Variants in MOBP observed in about 807,000 individuals in gnomAD.
The protein encoded by MOBP is myelin-associated oligodendrocyte basic protein.
A neutral mutation model predicts 15.0 loss-of-function variants in MOBP; 5 were observed. The observed-to-expected ratio is 0.33, with a 90% confidence interval of 0.17 to 0.70. MOBP has a LOEUF of 0.70. Ranked by LOEUF, MOBP falls within the 30% of genes least tolerant of loss-of-function variation. The probability of loss-of-function intolerance (pLI) is 0.67; values close to 1 mark genes in which losing one functional copy is unlikely to be tolerated. For missense variants in MOBP, 188 were observed against 257.8 expected, an observed-to-expected ratio of 0.73 and a Z score of 1.85; for synonymous variants, 88 against 99.0, an observed-to-expected ratio of 0.89 and a Z score of 0.66.
chr3:39,506,880 T>C (rs3821372), downstream of MOBP, among the ~76,000 whole-genome samples: 92,313 of 152,142 alleles, frequency 0.61, 32,373 homozygotes, highest in Non-Finnish European at 0.77. Flanking sequence ...GAACCCAATC[T>C]GTATATCAGT....
At chr3:39,519,505 C>CTT (rs3036572), downstream of MOBP, among the ~76,000 whole-genome samples, 10 of 131,574 alleles carry the variant, frequency 7.6e-5, no homozygotes, top group South Asian at 2.5e-4. Flanking sequence ...TAAATGGCAT[C>CTT]TTTTTTTTTT....
At chr3:39,481,409 A>G (rs2042626088) in intron 2 of MOBP, among the ~76,000 whole-genome samples, 1 of 152,110 alleles carries the variant, frequency 6.6e-6, no homozygotes, top group Non-Finnish European at 1.5e-5. Context: ...AAGACCAACC[A>G]TTTTGCATGT....
chr3:39,479,315 A>T (rs2042591685), intron 1 of MOBP, among the ~76,000 whole-genome samples: 1 of 152,154 alleles, frequency 6.6e-6, no homozygotes, highest in Non-Finnish European at 1.5e-5. Context: ...AAAATGATCA[A>T]CTAAGAGAAC....
chr3:39,486,285 G>T (rs1051161163), intron 2 of MOBP, among the ~76,000 whole-genome samples: 11 of 152,142 alleles, frequency 7.2e-5, no homozygotes, highest in African/African-American at 2.7e-4. Context: ...GAGGTTATGA[G>T]GATGAAATAA....
chr3:39,502,405 G>A lies in MOBP; in HGVS notation c.206+130G>A. 6.5e-7 allele frequency: 1 copy of A among 1,528,030 alleles called. No individual in the cohort carries two copies. Among genetic ancestry groups the A allele is most frequent in the Non-Finnish European group, 8.8e-7 (1 of 1,141,538 alleles). The allele number at this position is 1,528,030 out of a possible 1,614,324, so 94.7% of individuals were successfully genotyped here. ...CCGGGTTAGGCTCCGACACCGGAAG[G>A]CACTCCAGGGAGACTGGAAGGTGGG... On this transcript the variant is annotated intron_variant, in intron 3 of 3. Transcript: ENST00000684792. The surrounding 1 kb of genome is among the most constrained non-coding windows in gnomAD (Gnocchi z 6.3).
intron 1 of MOBP, among the ~76,000 whole-genome samples, chr3:39,468,814 G>A (rs34457487): frequency 0.66 from 71,784 of 109,144 alleles, 27,704 homozygotes; most frequent in African/African-American, 0.87. Flanking sequence ...ATATGTGTGT[G>A]TATACATATT....
chr3:39,470,673 AC>A (rs1340105073), intron 1 of MOBP, among the ~76,000 whole-genome samples: 1 of 152,174 alleles, frequency 6.6e-6, no homozygotes, highest in Non-Finnish European at 1.5e-5. Context: ...ATTTGTACTC[AC>A]TAAAAATATC....
At chr3:39,494,789 C>CCCG (rs1553618293) in intron 2 of MOBP, among the ~76,000 whole-genome samples, 2 of 90,162 alleles carry the variant, frequency 2.2e-5, no homozygotes, top group East Asian at 1.1e-3. Context: ...AAAGCCCCCC[C>CCCG]CCGCCCCCCG....
downstream of MOBP, chr3:39,503,129 T>C: frequency 2.2e-6 from 1 of 463,898 alleles, no homozygotes; most frequent in Non-Finnish European, 3.7e-6. Flanking sequence ...AAGTTGTTAA[T>C]CTATCAATTG....
At chr3:39,501,614 A>G (rs1224611648) in intron 2 of MOBP, among the ~76,000 whole-genome samples, 1 of 152,212 alleles carries the variant, frequency 6.6e-6, no homozygotes, top group Non-Finnish European at 1.5e-5. Context: ...GTATGTCAGC[A>G]GGTCAGCAGT....
intron 2 of MOBP, among the ~76,000 whole-genome samples, chr3:39,481,984 A>G (rs931316750): frequency 2.6e-5 from 4 of 152,102 alleles, no homozygotes; most frequent in African/African-American, 7.2e-5. Context: ...ATTGCTACCT[A>G]TACTCCAACA....
chr3:39,475,123 T>C (rs1031559332), intron 1 of MOBP, among the ~76,000 whole-genome samples: 1 of 152,206 alleles, frequency 6.6e-6, no homozygotes, highest in South Asian at 2.1e-4. Flanking sequence ...TTTCATGACC[T>C]TTAGACTTTT....
intron 2 of MOBP, among the ~76,000 whole-genome samples, chr3:39,493,211 C>T (rs965331782): frequency 1.3e-5 from 2 of 152,164 alleles, no homozygotes; most frequent in African/African-American, 4.8e-5. Context: ...GTTTTAATTT[C>T]TTCCTGTAGC....
At chr3:39,512,078 C>T (rs1447610345) in intron 4 of MOBP, among the ~76,000 whole-genome samples, 1 of 152,172 alleles carries the variant, frequency 6.6e-6, no homozygotes, top group African/African-American at 2.4e-5. Context: ...TGTCACTTAA[C>T]CCTATCTACT....
chr3:39,526,705 A>G (rs1470719169), downstream of MOBP: 1 of 151,912 alleles, frequency 6.6e-6, no homozygotes, highest in Non-Finnish European at 1.5e-5. Context: ...CTGGGTAAAA[A>G]GGCCTAATTT....
At chr3:39,494,020 G>T (rs1329340244) in intron 2 of MOBP, among the ~76,000 whole-genome samples, 2 of 152,110 alleles carry the variant, frequency 1.3e-5, no homozygotes, top group Admixed American at 6.5e-5. Flanking sequence ...TAGACTTTTT[G>T]CCTACCTTTC....
At chr3:39,499,931 C>A (rs1423975467) in intron 2 of MOBP, 2 of 433,288 alleles carry the variant, frequency 4.6e-6, no homozygotes, top group Non-Finnish European at 9.3e-6. Context: ...GAAGTTTCAC[C>A]TTGTTCTCTA....
At chr3:39,476,175 G>A (rs2042543155) in intron 1 of MOBP, among the ~76,000 whole-genome samples, 1 of 151,124 alleles carries the variant, frequency 6.6e-6, no homozygotes, top group East Asian at 1.9e-4. Context: ...CAGATATCAT[G>A]AGAACTCACT....
Position 39,468,838 on chromosome 3 carries a change from T to C in MOBP, c.-89+1098T>C, listed in dbSNP as rs2042394325. Among the ~76,000 whole-genome samples, 2 of 115,422 alleles carry C rather than the reference T, an allele frequency of 1.7e-5. 1 individual carries two copies. The highest frequency in any genetic ancestry group is 3.2e-5 in the Non-Finnish European group (2 of 62,194). 75.7% of individuals were successfully genotyped at this position (115,422 alleles called of 152,430 possible). A position where few individuals can be genotyped will look rare whatever the true frequency, so the allele number is the denominator to read the frequency against. On this transcript the variant is annotated intron_variant, in intron 1 of 3. Transcript: ENST00000684792. ...TGTATACATATTACATATGTGTGTA[T>C]ATATACATATATACATGAGTGTGTA...
Sources: gnomAD v4.1 joint callset for allele counts (sites outside exome capture counted in the v4.1 genomes callset) on GRCh38, gnomAD v4.1.1 for gene constraint, Gnocchi (gnomAD v3.1) non-coding constraint, MANE v1.5 for transcripts, NCBI Gene and HGNC (gene_info 2026-07-23, HGNC 2026-07-21) for gene names.